Variants in KIF19 observed in about 807,000 individuals in gnomAD.
KIF19 encodes the protein kinesin-like protein KIF19.
In KIF19, 98 loss-of-function variants were observed where a neutral mutation model predicts 106.6. The ratio of observed to expected loss-of-function variants is 0.92; its 90% confidence interval spans 0.78 to 1.09. The LOEUF (loss-of-function observed/expected upper bound fraction) is 1.09. Ranked by LOEUF, KIF19 falls within the 50% of genes least tolerant of loss-of-function variation. KIF19 has a pLI of 0.00. For missense variants in KIF19, 1,373 were observed against 1,414.3 expected (o/e 0.97, Z 0.47); for synonymous variants, 516 against 584.2 (o/e 0.88, Z 1.68).
chr17:74,353,558 C>G lies in KIF19; in HGVS notation c.2285C>G (p.Ser762Trp), dbSNP rs368925164. 6.2e-7 allele frequency: 1 copy of G among 1,613,640 alleles called. No individual in the cohort carries two copies. The change falls in exon 17 of 20, where the codon TCG (serine) becomes TGG (tryptophan). Residue 762 changes from serine (S) to tryptophan (W), a missense_variant. Transcript: ENST00000389916. Reference sequence around the variant, plus strand: ...TCCCCTGACAGCAGTGAGAACCTGTCGGAGATCCCCTTGTCCCACAAAGGT... The same window carrying G: ...TCCCCTGACAGCAGTGAGAACCTGTGGGAGATCCCCTTGTCCCACAAAGGT... ...NSSPDSSENL[S>W]EIPLSHKERK...
At chr17:74,352,173 C>CGG (rs141584987) in intron 13 of KIF19, 36 bp downstream of exon 13, 1 of 1,588,058 alleles carries the variant, frequency 6.3e-7, no homozygotes, top group East Asian at 2.3e-5. Flanking sequence ...GAGCCACCCG[C>CGG]GGGGGGGCCG....
intron 15 of KIF19, 77 bp downstream of exon 15, chr17:74,353,031 G>T: frequency 6.4e-7 from 1 of 1,559,204 alleles, no homozygotes. Context: ...AAGGCTAAAT[G>T]GGGAACACAG....
In KIF19 at chr17:74,341,962, G is replaced by T. The variant is rs775459780; in HGVS notation, c.207G>T (p.Val69=). Residue 69 remains valine (V), a synonymous_variant, in exon 3 of 20, where the codon GTG becomes GTT. Transcript: ENST00000389916. ...GGGAGAAGTCCTACCTGTTCGACGT[G>T]GCCTTTGACTTCACCGCCACCCAGG... ...RSREKSYLFD[V]AFDFTATQEM... The T allele has an allele frequency of 6.2e-6, 10 of 1,613,260 alleles. No homozygotes were observed. The highest frequency in any genetic ancestry group is 8.5e-6 in the Non-Finnish European group (10 of 1,179,798).
At position 74,353,556 on chromosome 17, in the gene KIF19, G is replaced by A. The variant is rs375074053; in HGVS notation, c.2283G>A (p.Leu761=). The change falls in exon 17 of 20, where the codon CTG becomes CTA. Residue 761 remains leucine (L), a synonymous_variant. Transcript: ENST00000389916. ...INSSPDSSEN[L]SEIPLSHKER... ...CTTCCCCTGACAGCAGTGAGAACCT[G>A]TCGGAGATCCCCTTGTCCCACAAAG... The A allele has an allele frequency of 1.1e-4, 179 of 1,613,834 alleles. No individual in the cohort carries two copies. The African/African-American group carries it at 2.2e-3, about 20-fold the overall frequency.
intron 5 of KIF19, 77 bp downstream of exon 5, chr17:74,343,237 C>T (rs1439758674): frequency 7.0e-7 from 1 of 1,421,756 alleles, no homozygotes; most frequent in Non-Finnish European, 9.6e-7. Flanking sequence ...TCCCGGGGCG[C>T]TCATCACTGC....
At chr17:74,326,425 C>T in intron 1 of KIF19, 37 bp downstream of exon 1, 1 of 1,602,946 alleles carries the variant, frequency 6.2e-7, no homozygotes, top group South Asian at 1.1e-5. Flanking sequence ...CACCCCGCTC[C>T]GTGGTCTACT....
At chr17:74,355,084 GGGGTGGTGCCCCTA>G in intron 19 of KIF19, 84 bp from the exon 20 acceptor site, 3 of 1,540,812 alleles carry the variant, frequency 1.9e-6, no homozygotes, top group Non-Finnish European at 2.6e-6. Flanking sequence ...CTGGCATCCT[GGGGTGGTGCCCCTA>G]GAGAGTTCAA....
intron 4 of KIF19, 88 bp downstream of exon 4, chr17:74,342,805 A>G: frequency 7.4e-7 from 1 of 1,353,456 alleles, no homozygotes; most frequent in South Asian, 1.2e-5. Flanking sequence ...CAGCTGGAGC[A>G]GGAATCCAGG....
rs560902971 is a variant in KIF19 at position 74,331,150 on chromosome 17, C to T, written c.120+2645C>T. On this transcript the variant is annotated intron_variant, in intron 2 of 19. Coordinates refer to ENST00000389916, the MANE Select transcript of KIF19 (RefSeq NM_153209.4). The surrounding 1 kb of genome is among the most constrained non-coding windows in gnomAD (Gnocchi z 4.1). ...GTCCCCGACCTGACCAGTTCCCCCA[C>T]CTCCTGACCTTCACCTGACCCTAGT... 7.9e-5 allele frequency among the ~76,000 whole-genome samples: 12 copies of T among 152,276 alleles called. No individual in the cohort carries two copies. Among genetic ancestry groups the T allele is most frequent in the South Asian group, 6.2e-4 (3 of 4,830 alleles).
At chr17:74,341,438 T>TG (rs1187524406) in intron 2 of KIF19, among the ~76,000 whole-genome samples, 6 of 152,190 alleles carry the variant, frequency 3.9e-5, no homozygotes, top group Admixed American at 2.0e-4. Flanking sequence ...AGAGGCAGCA[T>TG]GGGGGGTGTT....
chr17:74,351,833 C>G, intron 12 of KIF19, 34 bp from the exon 13 acceptor site: 4 of 1,373,640 alleles, frequency 2.9e-6, no homozygotes, highest in South Asian at 1.7e-5. Flanking sequence ...GACCCCTCTC[C>G]CCGCTGCCAG....
At chr17:74,340,684 A>C in intron 2 of KIF19, among the ~76,000 whole-genome samples, 1 of 149,900 alleles carries the variant, frequency 6.7e-6, no homozygotes. Context: ...CACCCTTTCC[A>C]CTCCCGGCTC....
At chr17:74,335,694 A>G (rs1267377263) in intron 2 of KIF19, among the ~76,000 whole-genome samples, 1 of 152,280 alleles carries the variant, frequency 6.6e-6, no homozygotes, top group Non-Finnish European at 1.5e-5. Flanking sequence ...TTGGAGGGAC[A>G]GAGCTCTGGC....
chr17:74,336,023 T>C (rs1369481007), intron 2 of KIF19, among the ~76,000 whole-genome samples: 1 of 152,216 alleles, frequency 6.6e-6, no homozygotes, highest in Non-Finnish European at 1.5e-5. Flanking sequence ...ACAATCAACA[T>C]GGCAGCAGGG....
chr17:74,342,089 C>T, intron 3 of KIF19, 103 bp downstream of exon 3: 1 of 784,344 alleles, frequency 1.3e-6, no homozygotes, highest in Non-Finnish European at 2.1e-6. Context: ...CCTCAGCCTC[C>T]ACTCCACCTG....
chr17:74,351,909 C>A lies in KIF19; in HGVS notation c.1630C>A (p.Arg544=). Residue 544 remains arginine, a synonymous_variant, in exon 13 of 20, where the codon CGG becomes AGG. Transcript: ENST00000389916. ...CTGCCGGGAGCTGCGCGCGCGGGGC[C>A]GGCGCCTGGAGGAGACGCTGCCGCG... ...QRCRELRARG[R]RLEETLPRRI... 1 of 1,425,018 alleles carries A rather than the reference C, an allele frequency of 7.0e-7. No individual in the cohort carries two copies. The highest frequency in any genetic ancestry group is 9.1e-7 in the Non-Finnish European group (1 of 1,097,372). 88.3% of individuals were successfully genotyped at this position (1,425,018 alleles called of 1,614,324 possible).
At position 74,328,491 on chromosome 17, in the gene KIF19, A is replaced by G. The variant is rs1020566516; in HGVS notation, c.106A>G (p.Lys36Glu). The part of the protein sequence containing the change: ...LEEGATLIAH[K>E]VDEQMVVLMD... Reference sequence around the variant, plus strand: ...GGAAGGAGCTACCCTCATCGCCCATAAAGTGGATGAGCAGGTATGCAGGGC... The same window carrying G: ...GGAAGGAGCTACCCTCATCGCCCATGAAGTGGATGAGCAGGTATGCAGGGC... The change falls in exon 2 of 20, where the codon AAA becomes GAA. Residue 36 changes from lysine to glutamate, a missense_variant. Lys to Glu is a moderately conservative substitution (Grantham distance 56). Around this residue, in one of 3 missense-constraint regions of KIF19, gnomAD observed 348 missense variants for 389.5 expected, o/e 0.89. Coordinates refer to ENST00000389916, the MANE Select transcript of KIF19 (RefSeq NM_153209.4). The G allele has an allele frequency of 6.2e-7, 1 of 1,600,650 alleles. No individual in the cohort carries two copies. The highest frequency in any genetic ancestry group is 8.5e-7 in the Non-Finnish European group (1 of 1,172,680).
At position 74,342,003 on chromosome 17, in the gene KIF19, G is replaced by T. The variant is rs200283107; in HGVS notation, c.231+17G>T. 1 of 1,579,178 alleles carries T rather than the reference G, an allele frequency of 6.3e-7. No individual in the cohort carries two copies. Among genetic ancestry groups the T allele is most frequent in the African/African-American group, 1.5e-5 (1 of 67,214 alleles). ...GCCACCCAGGTGAGGGAGGGCCTGGGCTGGAGACACGCAGGAGCCCCTCCC... is the reference window on the plus strand; with the variant it reads ...GCCACCCAGGTGAGGGAGGGCCTGGTCTGGAGACACGCAGGAGCCCCTCCC... On this transcript the variant is annotated intron_variant, in intron 3 of 19. Coordinates refer to ENST00000389916, the MANE Select transcript of KIF19 (RefSeq NM_153209.4).
intron 2 of KIF19, among the ~76,000 whole-genome samples, chr17:74,333,713 A>G (rs189971297): frequency 2.6e-5 from 4 of 152,276 alleles, no homozygotes; most frequent in Admixed American, 2.0e-4. Flanking sequence ...TATGTTGTGC[A>G]TAATCCTCTA....
Sources: allele counts gnomAD v4.1 joint callset (sites outside exome capture counted in the v4.1 genomes callset), GRCh38; gene constraint gnomAD v4.1.1; regional missense constraint gnomAD v4.1.1; non-coding constraint Gnocchi (gnomAD v3.1); transcripts MANE v1.5; gene names NCBI Gene and HGNC (gene_info 2026-07-23, HGNC 2026-07-21).